The following NUP37 variants were observed in gnomAD, a reference collection of about 807,000 sequenced individuals.
NUP37 encodes the protein nucleoporin Nup37.
NUP37 carries 33 observed loss-of-function variants against 45.4 expected under a neutral mutation model. The ratio of observed to expected loss-of-function variants is 0.73; its 90% CI spans 0.55 to 0.97. The LOEUF is 0.97. Ranked by LOEUF, NUP37 falls within the 50% of genes least tolerant of loss-of-function variation. The probability of loss-of-function intolerance (pLI) is 0.00; values close to 1 mark genes in which losing one functional copy is unlikely to be tolerated. For synonymous variants in NUP37, 127 were observed against 130.7 expected (o/e 0.97, Z 0.19); for missense variants, 365 against 389.7 (o/e 0.94, Z 0.53).
intron 7 of NUP37, chr12:102,077,087 C>T: frequency 1.6e-6 from 1 of 615,646 alleles, no homozygotes; most frequent in South Asian, 2.0e-5. Flanking sequence ...TATAAGTCAA[C>T]ATTGCACAGA....
At chr12:102,101,128 T>G in intron 3 of NUP37, 24 bp from the exon 4 acceptor site, 1 of 1,429,040 alleles carries the variant, frequency 7.0e-7, no homozygotes, top group Non-Finnish European at 9.7e-7. Flanking sequence ...AACAAAAATA[T>G]ACCAATTTTT....
chr12:102,117,547 C>T (rs1431020081), intron 2 of NUP37, among the ~76,000 whole-genome samples: 1 of 152,154 alleles, frequency 6.6e-6, no homozygotes, highest in African/African-American at 2.4e-5. Context: ...ACATGTAAAA[C>T]TAGCTTTCCT....
chr12:102,088,100 T>TA (rs1257109198), intron 5 of NUP37, among the ~76,000 whole-genome samples: 1 of 152,198 alleles, frequency 6.6e-6, no homozygotes, highest in African/African-American at 2.4e-5. Context: ...TAATTCTTAG[T>TA]GGTTACACAA....
intron 5 of NUP37, among the ~76,000 whole-genome samples, chr12:102,089,044 A>G (rs891688787): frequency 2.6e-5 from 4 of 152,212 alleles, no homozygotes; most frequent in African/African-American, 9.6e-5. Context: ...ATAGATTAAC[A>G]GCATCCCAAG....
rs1409611143 is a variant in NUP37, at chr12:102,120,073, G to C, written c.-89C>G. ...ACCGCAGAGCGCCAGGAACCGACCA[G>C]AGGCAGGCTGGTCTTCCTTGGGGGC... On this transcript the variant is annotated 5_prime_UTR_variant, in exon 1 of 10. Transcript: ENST00000552283. 6.3e-6 allele frequency: 1 copy of C among 158,906 alleles called. No homozygotes were observed. The allele number at this position is 158,906 out of a possible 1,614,324, so 9.8% of individuals were successfully genotyped here. A position where few individuals can be genotyped will look rare whatever the true frequency, so the allele number is the denominator to read the frequency against.
chr12:102,100,075 C>A (rs1156755660), intron 4 of NUP37, among the ~76,000 whole-genome samples: 4 of 152,074 alleles, frequency 2.6e-5, no homozygotes, highest in Non-Finnish European at 5.9e-5. Flanking sequence ...AAGCTTCTGT[C>A]ACAGTCTACA....
intron 2 of NUP37, among the ~76,000 whole-genome samples, chr12:102,116,806 C>T (rs146948707): frequency 0.042 from 6,335 of 151,776 alleles, 195 homozygotes; most frequent in African/African-American, 0.081. Flanking sequence ...TCAAGACCAG[C>T]CTGACCAACA....
intron 5 of NUP37, among the ~76,000 whole-genome samples, chr12:102,093,390 T>C (rs1879714798): frequency 6.6e-6 from 1 of 152,070 alleles, no homozygotes; most frequent in Non-Finnish European, 1.5e-5. Context: ...CAGAGGAGAA[T>C]TATTAACATC....
At chr12:102,091,123 A>C (rs1404211631) in intron 5 of NUP37, among the ~76,000 whole-genome samples, 1 of 152,208 alleles carries the variant, frequency 6.6e-6, no homozygotes, top group East Asian at 1.9e-4. Context: ...CCGGCCAGGC[A>C]CTGTGGCTCA....
chr12:102,100,981 A>C, intron 4 of NUP37, 51 bp downstream of exon 4: 1 of 1,177,312 alleles, frequency 8.5e-7, no homozygotes, highest in Non-Finnish European at 1.2e-6. Context: ...AAAGCAAAAA[A>C]CAAACACGTT....
intron 3 of NUP37, among the ~76,000 whole-genome samples, chr12:102,111,458 C>A (rs1038645260): frequency 4.6e-5 from 7 of 152,066 alleles, no homozygotes; most frequent in South Asian, 2.1e-4. Flanking sequence ...TTAAAAAAAA[C>A]GAAGTTAGCT....
In NUP37 at chr12:102,083,038, G is replaced by A. The variant is rs546814386; in HGVS notation, c.540+2728C>T. 3.9e-5 allele frequency among the ~76,000 whole-genome samples: 6 copies of A among 152,300 alleles called. No individual in the cohort carries two copies. The East Asian group carries it at 9.6e-4, about 24-fold the overall frequency. The stretch of plus-strand genomic sequence containing the variant: ...AACATCATAAAAGAAAGGAGATGGG[G>A]TAAGGTGGAATTTTAATGATATGTA... On this transcript the variant is annotated intron_variant, in intron 6 of 9. Transcript: ENST00000552283.
intron 7 of NUP37, 71 bp from the exon 8 acceptor site, chr12:102,076,918 G>T: frequency 9.2e-7 from 1 of 1,088,040 alleles, no homozygotes; most frequent in Non-Finnish European, 1.4e-6. Context: ...GGTTTAAACA[G>T]TATTTTCTCT....
chr12:102,108,550 C>G (rs969821839), intron 3 of NUP37, among the ~76,000 whole-genome samples: 1 of 152,132 alleles, frequency 6.6e-6, no homozygotes, highest in African/African-American at 2.4e-5. Context: ...AATAAACTCC[C>G]CTTCATATAT....
At chr12:102,094,730 T>C (rs1879753275) in intron 5 of NUP37, among the ~76,000 whole-genome samples, 1 of 152,128 alleles carries the variant, frequency 6.6e-6, no homozygotes, top group Non-Finnish European at 1.5e-5. Context: ...GGTTACATTC[T>C]AATATCTTAT....
chr12:102,106,976 G>A lies in NUP37; in HGVS notation c.281+5132C>T, dbSNP rs183250460. On this transcript the variant is annotated intron_variant, in intron 3 of 9. Transcript: ENST00000552283. ...TGCACAATGAGGCACCAGACCCCTC[G>A]TTTGTCATGACTGGTTCCTTACACC... 5.8e-4 allele frequency among the ~76,000 whole-genome samples: 89 copies of A among 152,212 alleles called. 1 individual carries two copies. The highest frequency in any genetic ancestry group is 3.8e-3 in the Admixed American group (58 of 15,300).
At chr12:102,103,067 G>C (rs1041195207) in intron 3 of NUP37, among the ~76,000 whole-genome samples, 1 of 151,872 alleles carries the variant, frequency 6.6e-6, no homozygotes, top group Non-Finnish European at 1.5e-5. Context: ...AAATTGCTTT[G>C]GCTATCTGGG....
intron 6 of NUP37, among the ~76,000 whole-genome samples, chr12:102,084,283 G>A (rs1053675527): frequency 2.0e-5 from 3 of 152,162 alleles, no homozygotes; most frequent in Non-Finnish European, 2.9e-5. Context: ...TAAGCACTAC[G>A]TGCTTGTTAT....
chr12:102,082,354 G>C (rs761800645), intron 6 of NUP37, among the ~76,000 whole-genome samples: 1 of 152,054 alleles, frequency 6.6e-6, no homozygotes, highest in Non-Finnish European at 1.5e-5. Flanking sequence ...CCAAGCATAA[G>C]AGGCTAACAA....
Sources: allele counts gnomAD v4.1 joint callset (sites outside exome capture counted in the v4.1 genomes callset), GRCh38; gene constraint gnomAD v4.1.1; transcripts MANE v1.5; gene names NCBI Gene and HGNC (gene_info 2026-07-23, HGNC 2026-07-21).